PRRC1: variants seen among roughly 807,000 people sequenced by gnomAD.
PRRC1 encodes protein PRRC1.
A neutral mutation model predicts 40.7 loss-of-function variants in PRRC1; 39 were observed. The ratio of observed to expected loss-of-function variants is 0.96; its 90% CI spans 0.74 to 1.25. The LOEUF (loss-of-function observed/expected upper bound fraction) is 1.25. Among genes scored for constraint, PRRC1 ranks in the 50% most tolerant of loss-of-function variants. The pLI is 0.00. For missense variants in PRRC1, 573 were observed against 548.3 expected (o/e 1.05, Z -0.45); for synonymous variants, 175 against 193.3 (o/e 0.91, Z 0.79).
At chr5:127,535,007 G>A (rs1767860464) in intron 6 of PRRC1, among the ~76,000 whole-genome samples, 1 of 152,134 alleles carries the variant, frequency 6.6e-6, no homozygotes, top group African/African-American at 2.4e-5. Flanking sequence ...GACAGTTCTT[G>A]TTTTTCAACA....
chr5:127,553,171 A>AATC lies in PRRC1; in HGVS notation c.*1256_*1258dup. ...TCTTTAGATGTAAAAGAATTAGCAC[A>AATC]ATCTCTGGCAGTTTTATAAAAGCTG... On this transcript the variant is annotated 3_prime_UTR_variant, in exon 9 of 9. Coordinates refer to ENST00000296666, the MANE Select transcript of PRRC1 (RefSeq NM_130809.5). 3 of 982,752 alleles carry AATC rather than the reference A, an allele frequency of 3.1e-6. No individual in the cohort carries two copies. Among genetic ancestry groups the AATC allele is most frequent in the Non-Finnish European group, 3.6e-6 (3 of 827,562 alleles). The allele number at this position is 982,752 out of a possible 1,614,324, so 60.9% of individuals were successfully genotyped here. A position where few individuals can be genotyped will look rare whatever the true frequency, so the allele number is the denominator to read the frequency against.
In PRRC1 at chr5:127,552,406, C is replaced by T. The variant is rs1768418548; in HGVS notation, c.*490C>T. ...TGCTGAGCAGCCTGCTCAACAGTCA[C>T]TATAAGACACCTACTTGTCGGGAGA... On this transcript the variant is annotated 3_prime_UTR_variant, in exon 9 of 9. Coordinates refer to ENST00000296666, the MANE Select transcript of PRRC1 (RefSeq NM_130809.5). 1.1e-6 allele frequency: 1 copy of T among 932,560 alleles called. No homozygotes were observed. The highest frequency in any genetic ancestry group is 4.7e-5 in the South Asian group (1 of 21,196). The allele number at this position is 932,560 out of a possible 1,614,324, so 57.8% of individuals were successfully genotyped here.
At chr5:127,548,713 C>G (rs762967686) in intron 8 of PRRC1, 1 of 151,904 alleles carries the variant, frequency 6.6e-6, no homozygotes, top group African/African-American at 2.4e-5. Flanking sequence ...AAGAAAAATG[C>G]GTGTATGTGT....
chr5:127,541,272 T>G (rs1768038423), intron 7 of PRRC1, among the ~76,000 whole-genome samples: 1 of 152,246 alleles, frequency 6.6e-6, no homozygotes, highest in African/African-American at 2.4e-5. Context: ...TGGATTCAGT[T>G]TGCCAGTATT....
intron 4 of PRRC1, among the ~76,000 whole-genome samples, chr5:127,527,656 G>C (rs949179013): frequency 3.3e-5 from 5 of 151,512 alleles, no homozygotes; most frequent in Non-Finnish European, 7.4e-5. Context: ...TGTACTCAGA[G>C]GCTAAGGTGG....
In PRRC1 at chr5:127,524,645, C is replaced by A; in HGVS notation, c.218C>A (p.Pro73His). ...LPPVRPSAPL[P>H]FVPPPAVPSV... ...CCTGTGAGGCCTTCAGCACCATTAC[C>A]TTTTGTGCCTCCTCCTGCAGTTCCT... Residue 73 changes from proline (P) to histidine (H), a missense_variant, in exon 3 of 9, where the codon CCT (proline) becomes CAT (histidine). By Grantham distance (77) the Pro-to-His change is moderately conservative. Coordinates refer to ENST00000296666, the MANE Select transcript of PRRC1 (RefSeq NM_130809.5). 1 of 1,614,146 alleles carries A rather than the reference C, an allele frequency of 6.2e-7. No homozygotes were observed.
chr5:127,552,897 CTTT>C lies in PRRC1; in HGVS notation c.*984_*986del. 1 of 950,526 alleles carries C rather than the reference CTTT, an allele frequency of 1.1e-6. No homozygotes were observed. Among genetic ancestry groups the C allele is most frequent in the African/African-American group, 1.8e-5 (1 of 56,504 alleles). The allele number at this position is 950,526 out of a possible 1,614,324, so 58.9% of individuals were successfully genotyped here. On this transcript the variant is annotated 3_prime_UTR_variant, in exon 9 of 9. Coordinates refer to ENST00000296666, the MANE Select transcript of PRRC1 (RefSeq NM_130809.5). ...TTAACTTTGTGCCATTTGGTCTTTA[CTTT>C]TTATGGATGTTTTCAAAGAAACTAT...
At chr5:127,541,009 T>C (rs1204196573) in intron 7 of PRRC1, among the ~76,000 whole-genome samples, 1 of 152,106 alleles carries the variant, frequency 6.6e-6, no homozygotes, top group African/African-American at 2.4e-5. Context: ...GGCTGTGGGT[T>C]TGTCATAGAT....
chr5:127,551,902 C>T lies in PRRC1; in HGVS notation c.1324C>T (p.Pro442Ser), dbSNP rs1768397471. ...IAGMYKQRLP[P>S]RTV ...GGGCATGTATAAACAGCGCCTGCCA[C>T]CCAGGACAGTGTGAGAGGAGACCTA... Residue 442 changes from proline to serine, a missense_variant, in exon 9 of 9, where the codon CCC becomes TCC. Coordinates refer to ENST00000296666, the MANE Select transcript of PRRC1 (RefSeq NM_130809.5). 1 of 1,614,044 alleles carries T rather than the reference C, an allele frequency of 6.2e-7. No individual in the cohort carries two copies. The highest frequency in any genetic ancestry group is 8.5e-7 in the Non-Finnish European group (1 of 1,179,956).
At chr5:127,526,461 T>C (rs569753313) in intron 3 of PRRC1, among the ~76,000 whole-genome samples, 157 bp from the exon 4 acceptor site, 6 of 152,364 alleles carry the variant, frequency 3.9e-5, no homozygotes, top group South Asian at 4.1e-4. Context: ...AAATTCTGTT[T>C]AATTTGCGTT....
intron 1 of PRRC1, 166 bp downstream of exon 1, chr5:127,517,942 G>A (rs1191123618): frequency 6.6e-6 from 1 of 152,606 alleles, no homozygotes; most frequent in Admixed American, 6.5e-5. Flanking sequence ...TAGTCCCGTG[G>A]TCCAGGCTCA....
intron 8 of PRRC1, chr5:127,549,743 C>G (rs1235078128): frequency 6.6e-6 from 1 of 152,154 alleles, no homozygotes; most frequent in Non-Finnish European, 1.5e-5. Flanking sequence ...TGGAACACAC[C>G]CATGCCAGTT....
intron 7 of PRRC1, among the ~76,000 whole-genome samples, chr5:127,541,184 T>A (rs1299011188): frequency 5.3e-5 from 8 of 152,232 alleles, no homozygotes; most frequent in Admixed American, 4.6e-4. Flanking sequence ...TTTATTGATT[T>A]TGTGTATATT....
chr5:127,520,123 T>C (rs1257989102), intron 1 of PRRC1, among the ~76,000 whole-genome samples: 1 of 152,252 alleles, frequency 6.6e-6, no homozygotes, highest in African/African-American at 2.4e-5. Flanking sequence ...TTCTTGTGTG[T>C]AGGCTGTGCA....
intron 7 of PRRC1, among the ~76,000 whole-genome samples, chr5:127,546,074 A>G (rs540844090): frequency 6.6e-6 from 1 of 152,274 alleles, no homozygotes; most frequent in Admixed American, 6.5e-5. Context: ...GACCTTAATT[A>G]CATGCCCATT....
At chr5:127,523,735 G>T in intron 2 of PRRC1, 153 bp downstream of exon 2, 1 of 453,728 alleles carries the variant, frequency 2.2e-6, no homozygotes, top group Non-Finnish European at 3.8e-6. Flanking sequence ...TTAAAGAATA[G>T]AAAGAAAGTC....
chr5:127,533,040 TTAC>T (rs1363982687), intron 5 of PRRC1, among the ~76,000 whole-genome samples: 1 of 152,164 alleles, frequency 6.6e-6, no homozygotes, highest in African/African-American at 2.4e-5. Flanking sequence ...TTATTTCGTA[TTAC>T]TCTTAATATT....
intron 7 of PRRC1, among the ~76,000 whole-genome samples, chr5:127,546,509 C>G (rs1768228670): frequency 6.6e-6 from 1 of 152,080 alleles, no homozygotes; most frequent in African/African-American, 2.4e-5. Flanking sequence ...TTTAAGTGAT[C>G]TTGAGAAGGT....
intron 7 of PRRC1, among the ~76,000 whole-genome samples, chr5:127,543,729 C>T (rs1336888657): frequency 6.6e-6 from 1 of 152,188 alleles, no homozygotes; most frequent in Non-Finnish European, 1.5e-5. Flanking sequence ...TTCATCAGCT[C>T]CTTTAAGCAC....
Sources: gnomAD v4.1 joint callset for allele counts (sites outside exome capture counted in the v4.1 genomes callset) on GRCh38, gnomAD v4.1.1 for gene constraint, MANE v1.5 for transcripts, NCBI Gene and HGNC (gene_info 2026-07-23, HGNC 2026-07-21) for gene names.